The following PTPRT variants were observed in gnomAD, a reference collection of about 807,000 sequenced individuals.
The protein encoded by PTPRT is protein tyrosine phosphatase receptor type T.
PTPRT carries 56 observed loss-of-function variants against 176.8 expected under a neutral mutation model. The observed-to-expected ratio is 0.32, with a 90% CI of 0.26 to 0.40. The LOEUF (loss-of-function observed/expected upper bound fraction) is 0.40, where lower values mean the gene tolerates loss of function less well. PTPRT is among the 10% of genes least tolerant of loss of function. The probability of loss-of-function intolerance (pLI) is 1.00; values close to 1 mark genes in which losing one functional copy is unlikely to be tolerated. For missense variants in PTPRT, 1,540 were observed against 1,908.2 expected (o/e 0.81, Z 3.60); for synonymous variants, 783 against 739.0 (o/e 1.06, Z -0.96).
intron 2 of PTPRT, among the ~76,000 whole-genome samples, chr20:42,805,704 G>T (rs1203966671): frequency 6.6e-6 from 1 of 152,122 alleles, no homozygotes; most frequent in East Asian, 1.9e-4. Context: ...ATCTTTCGAG[G>T]CTCTGAAGTA....
intron 6 of PTPRT, among the ~76,000 whole-genome samples, chr20:42,691,036 C>T (rs1342266951): frequency 6.6e-6 from 1 of 152,236 alleles, no homozygotes; most frequent in Non-Finnish European, 1.5e-5. Flanking sequence ...CGCCTCTAGC[C>T]TCCTGAGATG....
At chr20:42,852,274 T>C (rs941877369) in intron 2 of PTPRT, among the ~76,000 whole-genome samples, 2 of 152,190 alleles carry the variant, frequency 1.3e-5, no homozygotes, top group African/African-American at 4.8e-5. Flanking sequence ...TTCAGAAACA[T>C]GATATTTTTC....
intron 7 of PTPRT, among the ~76,000 whole-genome samples, chr20:42,487,760 C>T (rs929751972): frequency 5.3e-5 from 8 of 152,152 alleles, no homozygotes; most frequent in Non-Finnish European, 1.2e-4. Context: ...TTCTGACCTC[C>T]AGAACAATAA....
intron 7 of PTPRT, among the ~76,000 whole-genome samples, chr20:42,543,564 C>T (rs2072620874): frequency 6.6e-6 from 1 of 151,970 alleles, no homozygotes; most frequent in South Asian, 2.1e-4. Context: ...ATCAACTTCT[C>T]CCACACTCCT....
chr20:42,802,620 C>T (rs140759748), intron 2 of PTPRT, among the ~76,000 whole-genome samples: 4 of 152,260 alleles, frequency 2.6e-5, no homozygotes, highest in East Asian at 1.9e-4. Flanking sequence ...ATTTTTTTAA[C>T]GTAAAGGTAT....
chr20:42,486,679 A>G (rs2071469759), intron 7 of PTPRT, among the ~76,000 whole-genome samples: 1 of 152,150 alleles, frequency 6.6e-6, no homozygotes, highest in South Asian at 2.1e-4. Flanking sequence ...CTGCTTGTAT[A>G]ATCTCCTGGT....
chr20:42,172,019 G>A (rs6093583), intron 16 of PTPRT, among the ~76,000 whole-genome samples: 4,403 of 151,940 alleles, frequency 0.029, 214 homozygotes, highest in African/African-American at 0.099. Flanking sequence ...CACCTCTCAA[G>A]AATTGAAAAT....
intron 2 of PTPRT, among the ~76,000 whole-genome samples, chr20:42,800,536 A>G (rs551375937): frequency 6.6e-6 from 1 of 152,306 alleles, no homozygotes; most frequent in South Asian, 2.1e-4. Context: ...TCTAAATGGA[A>G]ATGACATGGA....
chr20:42,770,282 C>T (rs1259951967), intron 5 of PTPRT, among the ~76,000 whole-genome samples: 1 of 152,118 alleles, frequency 6.6e-6, no homozygotes, highest in Non-Finnish European at 1.5e-5. Flanking sequence ...GCCACCACGC[C>T]CAGCTAATTT....
At chr20:42,699,454 TA>T (rs1344384388) in intron 6 of PTPRT, among the ~76,000 whole-genome samples, 3 of 151,390 alleles carry the variant, frequency 2.0e-5, no homozygotes, top group African/African-American at 4.9e-5. Flanking sequence ...ATTATTTTAA[TA>T]GTCAAAAATG....
chr20:42,829,743 C>T (rs934194510), intron 2 of PTPRT, among the ~76,000 whole-genome samples: 1 of 151,912 alleles, frequency 6.6e-6, no homozygotes, highest in Non-Finnish European at 1.5e-5. Flanking sequence ...CAAATAAATC[C>T]AATTAGAAAT....
intron 1 of PTPRT, among the ~76,000 whole-genome samples, chr20:42,920,118 T>A (rs1979047584): frequency 1.3e-5 from 2 of 152,164 alleles, no homozygotes; most frequent in African/African-American, 4.8e-5. Flanking sequence ...TCACTTGCAA[T>A]TTAAGGATGA....
intron 16 of PTPRT, among the ~76,000 whole-genome samples, chr20:42,184,518 C>CCTCCTCCTCCTT (rs1555797922): frequency 1.8e-5 from 1 of 54,398 alleles, no homozygotes; most frequent in Non-Finnish European, 4.6e-5. Context: ...TCCTCCTCCT[C>CCTCCTCCTCCTT]CTTCTTCTTC....
intron 15 of PTPRT, among the ~76,000 whole-genome samples, chr20:42,218,964 C>T (rs541895628): frequency 6.5e-4 from 99 of 152,274 alleles, no homozygotes; most frequent in Non-Finnish European, 1.1e-3. Flanking sequence ...CCAAGACAGA[C>T]GGCGTTTGCA....
intron 7 of PTPRT, among the ~76,000 whole-genome samples, chr20:42,660,688 C>T (rs2075207300): frequency 6.6e-6 from 1 of 152,154 alleles, no homozygotes; most frequent in South Asian, 2.1e-4. Context: ...CCTCCAGGTG[C>T]CATCCATGAT....
intron 28 of PTPRT, 74 bp from the exon 29 acceptor site, chr20:42,084,919 G>C: frequency 2.4e-6 from 3 of 1,254,356 alleles, no homozygotes; most frequent in Non-Finnish European, 3.1e-6. Flanking sequence ...ATACCCCGGG[G>C]ACTGCAGCAT....
chr20:42,624,511 G>A (rs916518396), intron 7 of PTPRT, among the ~76,000 whole-genome samples: 1 of 152,144 alleles, frequency 6.6e-6, no homozygotes, highest in Non-Finnish European at 1.5e-5. Flanking sequence ...AAAGTAAAAG[G>A]CTAGACCTCA....
chr20:42,889,671 G>A (rs1423025139), intron 1 of PTPRT, among the ~76,000 whole-genome samples: 1 of 152,148 alleles, frequency 6.6e-6, no homozygotes, highest in Non-Finnish European at 1.5e-5. Context: ...TTCTTCCATG[G>A]AGCCCTTGGG....
intron 2 of PTPRT, among the ~76,000 whole-genome samples, chr20:42,861,661 G>A (rs1158217805): frequency 6.6e-6 from 1 of 151,964 alleles, no homozygotes; most frequent in Non-Finnish European, 1.5e-5. Context: ...ATTATGATAA[G>A]GACTAGAAAG....
Sources: allele counts gnomAD v4.1 joint callset (sites outside exome capture counted in the v4.1 genomes callset), GRCh38; gene constraint gnomAD v4.1.1; transcripts MANE v1.5; gene names NCBI Gene and HGNC (gene_info 2026-07-23, HGNC 2026-07-21).